DAGLB: variants seen among roughly 807,000 people sequenced by gnomAD.
DAGLB encodes the protein diacylglycerol lipase-beta.
Under a neutral mutation model 72.1 loss-of-function variants are expected in DAGLB, and 66 were observed. The ratio of observed to expected loss-of-function variants is 0.92; its 90% confidence interval spans 0.75 to 1.12. DAGLB has a LOEUF of 1.12. Ranked by LOEUF, DAGLB falls within the 50% of genes most tolerant of loss-of-function variation. The pLI is 0.00. For synonymous variants in DAGLB, 414 were observed against 359.5 expected (o/e 1.15, Z -1.71); for missense variants, 1,065 against 884.9 (o/e 1.20, Z -2.58).
At chr7:6,428,404 A>C (rs1784379277) in intron 6 of DAGLB, among the ~76,000 whole-genome samples, 1 of 151,760 alleles carries the variant, frequency 6.6e-6, no homozygotes, top group Non-Finnish European at 1.5e-5. Flanking sequence ...TCAGACAAGA[A>C]TCAATGGATG....
At position 6,409,710 on chromosome 7, in the gene DAGLB, G is replaced by C; in HGVS notation, c.*127C>G. On this transcript the variant is annotated 3_prime_UTR_variant, in exon 15 of 15. Transcript: ENST00000297056. The stretch of plus-strand genomic sequence containing the variant: ...TAAGTCATTGAGACCATGGAATTCT[G>C]TTCCCATCCGATTCCTGTTGATGGA... 9.2e-7 allele frequency: 1 copy of C among 1,089,978 alleles called. No homozygotes were observed. Among genetic ancestry groups the C allele is most frequent in the Non-Finnish European group, 1.3e-6 (1 of 769,952 alleles). The allele number at this position is 1,089,978 out of a possible 1,614,324, so 67.5% of individuals were successfully genotyped here. A position where few individuals can be genotyped will look rare whatever the true frequency, so the allele number is the denominator to read the frequency against.
intron 1 of DAGLB, among the ~76,000 whole-genome samples, chr7:6,446,477 C>CAAAAAAAAAAAAAAAA (rs748156438): frequency 6.8e-5 from 4 of 58,636 alleles, no homozygotes; most frequent in Admixed American, 3.2e-4. Context: ...GACTCCGTCT[C>CAAAAAAAAAAAAAAAA]AAAAAAAAAA....
At position 6,446,109 on chromosome 7, in the gene DAGLB, C is replaced by T. The variant is rs78373085; in HGVS notation, c.96-5G>A. On this transcript the variant is annotated splice_polypyrimidine_tract_variant and splice_region_variant and intron_variant, in intron 1 of 14. Transcript: ENST00000297056. ...AACGTCAGAATGCCAATCCACCTGG[C>T]AAAAAAAAAAAAGGGAAGGGTCAGA... is the stretch of plus-strand genomic sequence containing the variant. 1.1e-4 allele frequency: 135 copies of T among 1,267,812 alleles called. No homozygotes were observed. The highest frequency in any genetic ancestry group is 1.4e-4 in the Non-Finnish European group (133 of 942,272). The allele number at this position is 1,267,812 out of a possible 1,614,324, so 78.5% of individuals were successfully genotyped here.
At chr7:6,415,769 TG>T (rs1415606979) in intron 11 of DAGLB, among the ~76,000 whole-genome samples, 8 of 148,638 alleles carry the variant, frequency 5.4e-5, no homozygotes, top group African/African-American at 2.0e-4. Flanking sequence ...CGCTTGAAGC[TG>T]GGAGACGGAG....
intron 13 of DAGLB, among the ~76,000 whole-genome samples, chr7:6,411,726 G>A (rs894018559): frequency 3.3e-5 from 5 of 152,066 alleles, no homozygotes; most frequent in Non-Finnish European, 5.9e-5. Flanking sequence ...AAAACAAAGG[G>A]ATTAAACAAG....
intron 11 of DAGLB, among the ~76,000 whole-genome samples, chr7:6,414,388 C>T (rs1210947095): frequency 1.3e-5 from 2 of 151,566 alleles, no homozygotes; most frequent in Middle Eastern, 3.2e-3. Context: ...TCTCGGCTCA[C>T]GGCAACCTCT....
Position 6,409,519 on chromosome 7 carries a change from G to C in DAGLB, c.*318C>G, listed in dbSNP as rs1783644828. 1 of 387,914 alleles carries C rather than the reference G, an allele frequency of 2.6e-6. No homozygotes were observed. Among genetic ancestry groups the C allele is most frequent in the Non-Finnish European group, 4.7e-6 (1 of 211,190 alleles). The allele number at this position is 387,914 out of a possible 1,614,324, so 24.0% of individuals were successfully genotyped here. A position where few individuals can be genotyped will look rare whatever the true frequency, so the allele number is the denominator to read the frequency against. On this transcript the variant is annotated 3_prime_UTR_variant, in exon 15 of 15. Coordinates refer to ENST00000297056, the MANE Select transcript of DAGLB (RefSeq NM_139179.4). ...TTCACGGTCTTCTGGGTGGGCCCTG[G>C]ATTCCCGCACTTCTGGAGCAGTCCT... is the stretch of plus-strand genomic sequence containing the variant.
Position 6,421,816 on chromosome 7 carries a change from G to A in DAGLB, c.1141-12C>T. 1.9e-6 allele frequency: 3 copies of A among 1,612,116 alleles called. No homozygotes were observed. Among genetic ancestry groups the A allele is most frequent in the Non-Finnish European group, 2.5e-6 (3 of 1,179,296 alleles). ...TCCGTAAGGACATCCTGTAAAAAGG[G>A]CGTTGCAGAAGCGGCCGTCAGCCTG... On this transcript the variant is annotated splice_polypyrimidine_tract_variant and intron_variant, in intron 8 of 14. Transcript: ENST00000297056.
intron 3 of DAGLB, 138 bp downstream of exon 3, chr7:6,436,224 G>T: frequency 9.3e-7 from 1 of 1,074,690 alleles, no homozygotes; most frequent in African/African-American, 1.6e-5. Flanking sequence ...AAATTTTCAT[G>T]AGTTACGCAG....
intron 13 of DAGLB, among the ~76,000 whole-genome samples, chr7:6,410,880 ATTTTT>A (rs35960882): frequency 2.0e-5 from 2 of 98,234 alleles, no homozygotes; most frequent in Non-Finnish European, 3.8e-5. Flanking sequence ...AATTTTTTGT[ATTTTT>A]TTTTTTTTTT....
rs1358564923 is a variant in DAGLB, at chr7:6,432,883, T to C, written c.755A>G (p.Asn252Ser). The C allele has an allele frequency of 6.2e-7, 1 of 1,613,924 alleles. No individual in the cohort carries two copies. Among genetic ancestry groups the C allele is most frequent in the East Asian group, 2.2e-5 (1 of 44,868 alleles). Residue 252 changes from asparagine (N) to serine (S), a missense_variant, in exon 5 of 15, where the codon AAC becomes AGC. Physicochemically the swap from Asn to Ser is conservative, Grantham distance 46. Transcript: ENST00000297056. ...LHQQQDNIRN[N>S]QEPAQVVCHA... ...GCAGACCACCTGGGCAGGCTCTTGG[T>C]TGTTCCTGATATTGTCCTGTTGCTG...
intron 7 of DAGLB, 96 bp from the exon 8 acceptor site, chr7:6,424,931 G>T: frequency 8.1e-7 from 1 of 1,229,720 alleles, no homozygotes; most frequent in Non-Finnish European, 1.2e-6. Context: ...GACAGCCCAA[G>T]TCCTGCGGCA....
At chr7:6,443,215 A>G (rs1448588253) in intron 2 of DAGLB, among the ~76,000 whole-genome samples, 1 of 148,474 alleles carries the variant, frequency 6.7e-6, no homozygotes, top group Non-Finnish European at 1.5e-5. Flanking sequence ...AACAAAAAAA[A>G]CAAAACAAAA....
chr7:6,411,174 A>G (rs1025254807), intron 13 of DAGLB, among the ~76,000 whole-genome samples: 1 of 148,358 alleles, frequency 6.7e-6, no homozygotes, highest in Admixed American at 6.7e-5. Context: ...GCCCGGCCTA[A>G]TTTTTTGTAT....
intron 6 of DAGLB, among the ~76,000 whole-genome samples, chr7:6,426,966 G>C (rs952818233): frequency 1.3e-5 from 2 of 152,138 alleles, no homozygotes; most frequent in Non-Finnish European, 2.9e-5. Flanking sequence ...AACTCAGCCA[G>C]GTGTGGTGGC....
rs766114703 is a variant in DAGLB at position 6,436,547 on chromosome 7, A to G, written c.248-14T>C. On this transcript the variant is annotated splice_polypyrimidine_tract_variant and intron_variant, in intron 2 of 14. Transcript: ENST00000297056. ...TACAAATCGTTCCTGAAATACAAAA[A>G]ACGTTCCGACTGCTCAGTTGCTTCC... is the stretch of plus-strand genomic sequence containing the variant. 1.5e-5 allele frequency: 25 copies of G among 1,613,772 alleles called. No individual in the cohort carries two copies. The Middle Eastern group carries it at 6.6e-4, about 43-fold the overall frequency.
intron 2 of DAGLB, among the ~76,000 whole-genome samples, chr7:6,443,292 A>C (rs1447074205): frequency 4.0e-5 from 6 of 151,368 alleles, no homozygotes; most frequent in Non-Finnish European, 5.9e-5. Context: ...CTCTACTAAA[A>C]ATACAAAAAA....
chr7:6,413,244 C>G (rs924474491), intron 11 of DAGLB, among the ~76,000 whole-genome samples: 1 of 152,156 alleles, frequency 6.6e-6, no homozygotes, highest in East Asian at 1.9e-4. Context: ...ACAGAGACGC[C>G]CCGCAGCTAA....
intron 11 of DAGLB, among the ~76,000 whole-genome samples, chr7:6,414,908 C>A (rs148042672): frequency 6.6e-6 from 1 of 152,220 alleles, no homozygotes; most frequent in Middle Eastern, 3.4e-3. Context: ...GTGCTCAACA[C>A]CTTTAATCCT....
Sources: allele counts gnomAD v4.1 joint callset (sites outside exome capture counted in the v4.1 genomes callset), GRCh38; gene constraint gnomAD v4.1.1; transcripts MANE v1.5; gene names NCBI Gene and HGNC (gene_info 2026-07-23, HGNC 2026-07-21).